The following BLK variants were observed in gnomAD, a reference collection of about 807,000 sequenced individuals.
BLK encodes the protein BLK proto-oncogene, Src family tyrosine kinase, also known as tyrosine-protein kinase Blk.
Under a neutral mutation model 61.8 loss-of-function variants are expected in BLK, and 64 were observed. That is an observed-to-expected ratio of 1.03 (90% CI 0.85 to 1.27). The LOEUF is 1.27. BLK is among the 50% of genes most tolerant of loss of function. The probability of loss-of-function intolerance (pLI) is 0.00; values close to 1 mark genes in which losing one functional copy is unlikely to be tolerated. For missense variants in BLK, 853 were observed against 660.5 expected (o/e 1.29, Z -3.19); for synonymous variants, 351 against 272.0 (o/e 1.29, Z -2.86).
Position 11,548,088 on chromosome 8 carries a change from C to G in BLK, c.232C>G (p.Gln78Glu), listed in dbSNP as rs1423135226. 1 of 1,613,932 alleles carries G rather than the reference C, an allele frequency of 6.2e-7. No homozygotes were observed. Among genetic ancestry groups the G allele is most frequent in the South Asian group, 1.1e-5 (1 of 91,062 alleles). ...CACCGCTATGAATGATCGGGACCTG[C>G]AGATGCTGAAGGGGGAGAAGCTACA... ...DYTAMNDRDL[Q>E]MLKGEKLQVL... The change falls in exon 4 of 13, where the codon CAG becomes GAG. Residue 78 changes from glutamine (Q) to glutamate (E), a missense_variant. Coordinates refer to ENST00000259089, the MANE Select transcript of BLK (RefSeq NM_001715.3).
chr8:11,518,264 T>C (rs889890574), intron 1 of BLK, among the ~76,000 whole-genome samples: 1 of 152,192 alleles, frequency 6.6e-6, no homozygotes, highest in East Asian at 1.9e-4. Flanking sequence ...CCAGATGGAT[T>C]GCTTTTTAGA....
At chr8:11,563,757 C>T in intron 12 of BLK, 146 bp from the exon 13 acceptor site, 2 of 739,422 alleles carry the variant, frequency 2.7e-6, no homozygotes, top group Non-Finnish European at 4.3e-6. Context: ...GGCAGCCAGG[C>T]AACGCACGAG....
intron 7 of BLK, 128 bp downstream of exon 7, chr8:11,555,017 C>A: frequency 1.4e-6 from 2 of 1,414,770 alleles, no homozygotes; most frequent in Non-Finnish European, 9.5e-7. Context: ...AAAGTTAGGC[C>A]TAAGGAGGTA....
rs150321821 is a variant in BLK at position 11,507,321 on chromosome 8, C to T, written c.-2+12730C>T. ...TAAGGCAGAATGTCCTACCTTCCCA[C>T]CTTGGCAAACCCTGCCCCTGGGAGT... On this transcript the variant is annotated intron_variant, in intron 1 of 12. Transcript: ENST00000259089. Among the ~76,000 whole-genome samples, 47 of 152,296 alleles carry T rather than the reference C, an allele frequency of 3.1e-4. No individual in the cohort carries two copies. The East Asian group carries it at 6.0e-3, about 19-fold the overall frequency.
intron 1 of BLK, among the ~76,000 whole-genome samples, chr8:11,532,300 G>C (rs1182058312): frequency 6.6e-6 from 1 of 151,274 alleles, no homozygotes. Flanking sequence ...CCAGGCTCAA[G>C]CAATTCTCCT....
chr8:11,519,258 C>T (rs760433797), intron 1 of BLK, among the ~76,000 whole-genome samples: 4 of 152,214 alleles, frequency 2.6e-5, no homozygotes, highest in Non-Finnish European at 5.9e-5. Flanking sequence ...TAGAGGACCT[C>T]GCTACCTTCA....
intron 1 of BLK, among the ~76,000 whole-genome samples, chr8:11,539,554 G>C (rs567352418): frequency 6.6e-6 from 1 of 152,108 alleles, no homozygotes; most frequent in African/African-American, 2.4e-5. Flanking sequence ...AGTCCAGAGT[G>C]GGACTGAAAA....
chr8:11,529,003 AC>A, intron 1 of BLK, among the ~76,000 whole-genome samples: 1 of 152,298 alleles, frequency 6.6e-6, no homozygotes, highest in African/African-American at 2.4e-5. Flanking sequence ...TGGACCGAAT[AC>A]TTAGGTGATG....
At chr8:11,548,197 C>A in intron 4 of BLK, 72 bp downstream of exon 4, 1 of 1,291,358 alleles carries the variant, frequency 7.7e-7, no homozygotes, top group Non-Finnish European at 1.1e-6. Flanking sequence ...TCTCCACCCA[C>A]CACATCCTCC....
chr8:11,523,226 G>A (rs1327747997), intron 1 of BLK, among the ~76,000 whole-genome samples: 1 of 152,166 alleles, frequency 6.6e-6, no homozygotes, highest in East Asian at 1.9e-4. Flanking sequence ...AGCTTTTACT[G>A]CATAATACAT....
intron 10 of BLK, chr8:11,558,956 G>A (rs992087758): frequency 4.2e-5 from 19 of 455,912 alleles, no homozygotes; most frequent in Non-Finnish European, 5.7e-5. Flanking sequence ...GCCTTTTTCC[G>A]CTGAGGTGGG....
At chr8:11,561,682 G>T (rs552617401) in intron 11 of BLK, among the ~76,000 whole-genome samples, 3 of 152,304 alleles carry the variant, frequency 2.0e-5, no homozygotes, top group African/African-American at 4.8e-5. Flanking sequence ...TAGGTTTGGA[G>T]AAACAGCAGT....
At chr8:11,514,316 C>T (rs1275866472) in intron 1 of BLK, among the ~76,000 whole-genome samples, 1 of 152,204 alleles carries the variant, frequency 6.6e-6, no homozygotes, top group East Asian at 1.9e-4. Context: ...TGTGAGAAAA[C>T]CCACTTGTCC....
chr8:11,505,808 G>T (rs148033446), intron 1 of BLK, among the ~76,000 whole-genome samples: 71 of 152,244 alleles, frequency 4.7e-4, no homozygotes, highest in African/African-American at 1.6e-3. Context: ...CTCCAAGCAC[G>T]CTGGGCCCAT....
Position 11,498,949 on chromosome 8 carries a change from A to T in BLK, c.-2+4358A>T, listed in dbSNP as rs184131082. 2.0e-5 allele frequency among the ~76,000 whole-genome samples: 3 copies of T among 152,308 alleles called. No homozygotes were observed. In the East Asian group the frequency reaches 5.8e-4, roughly 29 times the overall value. On this transcript the variant is annotated intron_variant, in intron 1 of 12. Coordinates refer to ENST00000259089, the MANE Select transcript of BLK (RefSeq NM_001715.3). The stretch of plus-strand genomic sequence containing the variant: ...TCAAAAAGACACATCTTACATGACA[A>T]CTTCTTTGATTTACTTTTATGCCCA...
intron 5 of BLK, chr8:11,549,864 G>A (rs902420057): frequency 2.3e-6 from 1 of 427,030 alleles, no homozygotes; most frequent in Admixed American, 3.4e-5. Flanking sequence ...GCTTTGGAGA[G>A]AGTGATCAGG....
intron 1 of BLK, chr8:11,509,913 T>C (rs1395891615): frequency 6.6e-5 from 10 of 152,212 alleles, no homozygotes; most frequent in African/African-American, 2.4e-4. Flanking sequence ...TCTTCTCTTT[T>C]CTTTTTCTTT....
At chr8:11,497,137 T>A (rs567983070) in intron 1 of BLK, among the ~76,000 whole-genome samples, 114 of 151,582 alleles carry the variant, frequency 7.5e-4, no homozygotes, top group African/African-American at 2.7e-3. Flanking sequence ...GAAGAAAAAA[T>A]GATGAAGCCG....
rs558921618 is a variant in BLK, at chr8:11,542,155, G to A, written c.-1-1069G>A. Among the ~76,000 whole-genome samples, 4 of 152,120 alleles carry A rather than the reference G, an allele frequency of 2.6e-5. No individual in the cohort carries two copies. The East Asian group carries it at 7.7e-4, about 29-fold the overall frequency. ...GACTGTGTTTCACTTAATCGAAGAC[G>A]CCACTGATAGGAAGGCTAGCATTTA... is the stretch of plus-strand genomic sequence containing the variant. On this transcript the variant is annotated intron_variant, in intron 1 of 12. Transcript: ENST00000259089.
Sources: allele counts gnomAD v4.1 joint callset (sites outside exome capture counted in the v4.1 genomes callset), GRCh38; gene constraint gnomAD v4.1.1; transcripts MANE v1.5; gene names NCBI Gene and HGNC (gene_info 2026-07-23, HGNC 2026-07-21).